Variants in IDO1 observed in about 807,000 individuals in gnomAD.
IDO1 encodes indolamine 2,3 dioxygenase.
In IDO1, 35 loss-of-function variants were observed where a neutral mutation model predicts 38.8. That is an observed-to-expected ratio of 0.90 (90% CI 0.69 to 1.20). The LOEUF is 1.20. IDO1 is among the 50% of genes most tolerant of loss of function. The pLI is 0.00. For missense variants in IDO1, 509 were observed against 485.1 expected (o/e 1.05, Z -0.46); for synonymous variants, 171 against 170.0 (o/e 1.01, Z -0.05).
In IDO1 at chr8:39,920,115, G is replaced by T; in HGVS notation, c.437+1G>T. 6.2e-7 allele frequency: 1 copy of T among 1,607,008 alleles called. No homozygotes were observed. The highest frequency in any genetic ancestry group is 8.5e-7 in the Non-Finnish European group (1 of 1,175,900). ...CTTTCATAAGGCCCCTGACTTATGAGTAAGTATCTGATTCTTGTTTGATTC... is the reference window on the plus strand; with the variant it reads ...CTTTCATAAGGCCCCTGACTTATGATTAAGTATCTGATTCTTGTTTGATTC... On this transcript the variant is annotated splice_donor_variant, in intron 5 of 9. Coordinates refer to ENST00000518237, the MANE Select transcript of IDO1 (RefSeq NM_002164.6). LOFTEE classifies it high-confidence loss of function.
At position 39,918,903 on chromosome 8, in the gene IDO1, T is replaced by C. The variant is rs1371173564; in HGVS notation, c.392T>C (p.Leu131Ser). 1 of 1,607,574 alleles carries C rather than the reference T, an allele frequency of 6.2e-7. No homozygotes were observed. The highest frequency in any genetic ancestry group is 1.1e-5 in the South Asian group (1 of 90,978). The change falls in exon 4 of 10, where the codon TTG (leucine) becomes TCG (serine). Residue 131 changes from leucine (L) to serine (S), a missense_variant. Leu to Ser is a moderately radical substitution (Grantham distance 145). Transcript: ENST00000518237. ...PPILVYADCVLANWKKKDPNK... is the reference protein window; with the variant it reads ...PPILVYADCVSANWKKKDPNK... ...ATTTTGGTTTATGCAGACTGTGTCT[T>C]GGCAAACTGGAAGAAAAAGGATCCT...
Position 39,918,282 on chromosome 8 carries a change from T to G in IDO1, c.303+75T>G, listed in dbSNP as rs1314570514. ...AATTTACATTTAACTTTCCAAAAAT[T>G]TTCTAAAAGCATTATAACTGCATCA... On this transcript the variant is annotated intron_variant, in intron 3 of 9. Transcript: ENST00000518237. 2.6e-6 allele frequency: 4 copies of G among 1,528,652 alleles called. No homozygotes were observed. In the African/African-American group the frequency reaches 4.1e-5, roughly 16 times the overall value. The allele number at this position is 1,528,652 out of a possible 1,614,324, so 94.7% of individuals were successfully genotyped here.
At chr8:39,927,755 A>C (rs1188773681) in intron 9 of IDO1, 75 bp from the exon 10 acceptor site, 1 of 877,420 alleles carries the variant, frequency 1.1e-6, no homozygotes, top group Non-Finnish European at 1.7e-6. Context: ...GCCCACTCTG[A>C]CCTCACTCTG....
intron 9 of IDO1, among the ~76,000 whole-genome samples, chr8:39,927,429 G>C (rs1000873500): frequency 6.6e-6 from 1 of 151,666 alleles, no homozygotes; most frequent in Non-Finnish European, 1.5e-5. Flanking sequence ...GCATGGTGGC[G>C]CATGCCTGAA....
chr8:39,924,511 T>C (rs1423703155), intron 7 of IDO1, among the ~76,000 whole-genome samples: 1 of 152,200 alleles, frequency 6.6e-6, no homozygotes, highest in Non-Finnish European at 1.5e-5. Flanking sequence ...TAAAGTAAAG[T>C]AGTGCTAAAT....
chr8:39,924,417 G>C (rs1335895476), intron 7 of IDO1, among the ~76,000 whole-genome samples: 1 of 151,808 alleles, frequency 6.6e-6, no homozygotes, highest in African/African-American at 2.4e-5. Context: ...CTAGGGTTTT[G>C]TTTTGGTTTG....
At position 39,922,618 on chromosome 8, in the gene IDO1, A is replaced by G; in HGVS notation, c.504A>G (p.Leu168=). The G allele has an allele frequency of 6.2e-7, 1 of 1,613,104 alleles. No individual in the cohort carries two copies. Among genetic ancestry groups the G allele is most frequent in the Non-Finnish European group, 8.5e-7 (1 of 1,179,232 alleles). Residue 168 remains leucine, a synonymous_variant, in exon 6 of 10, where the codon CTA becomes CTG. Transcript: ENST00000518237. ...GTAAAGGATTCTTCCTGGTCTCTCT[A>G]TTGGTGGAAATAGCAGCTGCTTCTG... ...DCSKGFFLVS[L]LVEIAAASAI... is the part of the protein sequence containing the mutation.
chr8:39,918,888 A>G lies in IDO1; in HGVS notation c.377A>G (p.Tyr126Cys). The G allele has an allele frequency of 6.2e-7, 1 of 1,612,678 alleles. No homozygotes were observed. The change falls in exon 4 of 10, where the codon TAT becomes TGT. Residue 126 changes from tyrosine (Y) to cysteine (C), a missense_variant. By Grantham distance (194) the Tyr-to-Cys change is radical. Coordinates refer to ENST00000518237, the MANE Select transcript of IDO1 (RefSeq NM_002164.6). ...CTGGAACTGCCTCCTATTTTGGTTT[A>G]TGCAGACTGTGTCTTGGCAAACTGG... ...KKLELPPILV[Y>C]ADCVLANWKK...
rs1473986932 is a variant in IDO1, at chr8:39,924,701, C to T, written c.656-20C>T. 5.1e-6 allele frequency: 8 copies of T among 1,568,822 alleles called. No individual in the cohort carries two copies. In the South Asian group the frequency reaches 8.9e-5, roughly 18 times the overall value. ...ATACCTCTGATGCTGCTTAATTAAA[C>T]ATATTCCATCTTTTTACAGATCATG... On this transcript the variant is annotated intron_variant, in intron 7 of 9. Coordinates refer to ENST00000518237, the MANE Select transcript of IDO1 (RefSeq NM_002164.6).
chr8:39,919,063 T>C (rs1309373008), intron 4 of IDO1, 130 bp downstream of exon 4: 6 of 764,394 alleles, frequency 7.8e-6, no homozygotes, highest in Non-Finnish European at 1.4e-5. Context: ...TCTCAGTTCC[T>C]CGGCTGGGTA....
chr8:39,917,181 G>T (rs1184582032), intron 1 of IDO1, among the ~76,000 whole-genome samples: 1 of 152,120 alleles, frequency 6.6e-6, no homozygotes, highest in Non-Finnish European at 1.5e-5. Flanking sequence ...TCCATTCAAA[G>T]AACTTAAAAT....
chr8:39,926,423 C>T (rs151312311), intron 9 of IDO1, among the ~76,000 whole-genome samples: 2 of 152,264 alleles, frequency 1.3e-5, no homozygotes, highest in African/African-American at 2.4e-5. Flanking sequence ...CAAGCAGAGT[C>T]TGGGCCCTGC....
intron 7 of IDO1, among the ~76,000 whole-genome samples, chr8:39,924,458 GTTTC>G (rs1807327410): frequency 6.6e-6 from 1 of 151,824 alleles, no homozygotes; most frequent in Non-Finnish European, 1.5e-5. Context: ...TCTTTGGTTT[GTTTC>G]TTTATGTAAA....
chr8:39,919,124 A>G (rs1210519948), intron 4 of IDO1, 191 bp downstream of exon 4: 6 of 726,114 alleles, frequency 8.3e-6, no homozygotes, highest in Non-Finnish European at 1.5e-5. Flanking sequence ...CATATGTGAC[A>G]GGTGTATAGT....
chr8:39,924,691 C>T (rs1394145323), intron 7 of IDO1, 30 bp from the exon 8 acceptor site: 1 of 1,526,232 alleles, frequency 6.6e-7, no homozygotes, highest in East Asian at 2.3e-5. Context: ...TCTGATGCTG[C>T]TTAATTAAAC....
intron 9 of IDO1, among the ~76,000 whole-genome samples, chr8:39,925,836 A>G (rs867925788): frequency 6.6e-6 from 1 of 151,680 alleles, no homozygotes. Flanking sequence ...GTGAGCCAAG[A>G]TCGTGCTACT....
chr8:39,922,916 C>G (rs1429208226), intron 6 of IDO1: 2 of 451,246 alleles, frequency 4.4e-6, no homozygotes, highest in Non-Finnish European at 7.8e-6. Context: ...AACTATGATA[C>G]AGTGTCATAA....
rs777581912 is a variant in IDO1, at chr8:39,927,867, T to C, written c.894T>C (p.Tyr298=). 3.8e-6 allele frequency: 6 copies of C among 1,576,250 alleles called. No individual in the cohort carries two copies. The highest frequency in any genetic ancestry group is 2.2e-5 in the East Asian group (1 of 44,532). ...AAQFLQDMRR[Y]MPPAHRNFLC... ...AGTTCCTCCAGGACATGAGAAGATATATGCCACCAGCTCACAGGAACTTCC... is the reference window on the plus strand; with the variant it reads ...AGTTCCTCCAGGACATGAGAAGATACATGCCACCAGCTCACAGGAACTTCC... The change falls in exon 10 of 10, where the codon TAT becomes TAC. Residue 298 remains tyrosine (Y), a synonymous_variant. Transcript: ENST00000518237.
chr8:39,923,481 G>A lies in IDO1; in HGVS notation c.550G>A (p.Val184Ile), dbSNP rs1215558003. 6.3e-7 allele frequency: 1 copy of A among 1,581,062 alleles called. No individual in the cohort carries two copies. The highest frequency in any genetic ancestry group is 1.1e-5 in the South Asian group (1 of 90,402). Residue 184 changes from valine (V) to isoleucine (I), a missense_variant, in exon 7 of 10, where the codon GTA (valine) becomes ATA (isoleucine). Val to Ile is a conservative substitution (Grantham distance 29). Transcript: ENST00000518237. ...TTGTTTGTTTTAGGTAATTCCTACTGTATTCAAGGCAATGCAAATGCAAGA... is the reference window on the plus strand; with the variant it reads ...TTGTTTGTTTTAGGTAATTCCTACTATATTCAAGGCAATGCAAATGCAAGA... ...AASAIKVIPT[V>I]FKAMQMQERD...
Sources: allele counts gnomAD v4.1 joint callset (sites outside exome capture counted in the v4.1 genomes callset), GRCh38; gene constraint gnomAD v4.1.1; transcripts MANE v1.5; gene names NCBI Gene and HGNC (gene_info 2026-07-23, HGNC 2026-07-21).